DLC1: variants seen among roughly 807,000 people sequenced by gnomAD.
DLC1 encodes the protein DLC1 Rho GTPase activating protein.
Under a neutral mutation model 140.3 loss-of-function variants are expected in DLC1, and 54 were observed. That is an observed-to-expected ratio of 0.38 (90% CI 0.31 to 0.48). The LOEUF (loss-of-function observed/expected upper bound fraction) is 0.48. DLC1 is among the 20% of genes least tolerant of loss of function. The probability of loss-of-function intolerance (pLI) is 0.96; values close to 1 mark genes in which losing one functional copy is unlikely to be tolerated. For synonymous variants in DLC1, 986 were observed against 728.1 expected (o/e 1.35, Z -5.70); for missense variants, 2,536 against 1,907.0 (o/e 1.33, Z -6.14).
At chr8:13,175,983 T>A (rs1288353185) in intron 5 of DLC1, among the ~76,000 whole-genome samples, 1 of 152,230 alleles carries the variant, frequency 6.6e-6, no homozygotes, top group Non-Finnish European at 1.5e-5. Context: ...GTAGCACATC[T>A]TTATTGTAAA....
chr8:13,095,723 G>T (rs1402720982), intron 10 of DLC1: 1 of 157,422 alleles, frequency 6.4e-6, no homozygotes, highest in Admixed American at 6.0e-5. Flanking sequence ...GAAAAACAAG[G>T]TCCCTTTTGT....
At chr8:13,449,253 C>T (rs1798934323) in intron 2 of DLC1, among the ~76,000 whole-genome samples, 1 of 152,102 alleles carries the variant, frequency 6.6e-6, no homozygotes, top group Admixed American at 6.5e-5. Context: ...TGGAGATTGG[C>T]ACACAGCTCA....
At chr8:13,179,823 T>C (rs1205285328) in intron 5 of DLC1, among the ~76,000 whole-genome samples, 3 of 152,092 alleles carry the variant, frequency 2.0e-5, no homozygotes, top group East Asian at 1.9e-4. Context: ...CTATATATTA[T>C]ATAAAAATGG....
At position 13,499,245 on chromosome 8, in the gene DLC1, C is replaced by G; in HGVS notation, c.827G>C (p.Ser276Thr). 6.2e-7 allele frequency: 1 copy of G among 1,614,186 alleles called. No individual in the cohort carries two copies. The highest frequency in any genetic ancestry group is 8.5e-7 in the Non-Finnish European group (1 of 1,180,028). The change falls in exon 2 of 18, where the codon AGC becomes ACC. Residue 276 changes from serine to threonine, a missense_variant. Ser to Thr is a moderately conservative substitution (Grantham distance 58, BLOSUM62 1). Coordinates refer to ENST00000276297, the MANE Select transcript of DLC1 (RefSeq NM_182643.3). ...GLPLLKTDFG[S>T]CLLQPPSCPN... ...GCAGGAAGGAGGCTGCAGAAGGCAGCTTCCAAAATCTGTTTTTAATAATGG... is the reference window on the plus strand; with the variant it reads ...GCAGGAAGGAGGCTGCAGAAGGCAGGTTCCAAAATCTGTTTTTAATAATGG...
At chr8:13,239,507 G>C (rs1247147431) in intron 5 of DLC1, among the ~76,000 whole-genome samples, 2 of 152,158 alleles carry the variant, frequency 1.3e-5, no homozygotes, top group Non-Finnish European at 2.9e-5. Flanking sequence ...GAGTGGTTAG[G>C]GGTGAGCTGG....
intron 5 of DLC1, among the ~76,000 whole-genome samples, chr8:13,139,577 C>A (rs1015978644): frequency 6.6e-6 from 1 of 152,176 alleles, no homozygotes; most frequent in African/African-American, 2.4e-5. Context: ...GTACTGAATT[C>A]TTAGTCCTGA....
chr8:13,476,182 A>G (rs1020595578), intron 2 of DLC1, among the ~76,000 whole-genome samples: 5 of 152,190 alleles, frequency 3.3e-5, no homozygotes, highest in Non-Finnish European at 5.9e-5. Flanking sequence ...CTGCTTCAGA[A>G]CCCTGATTAG....
chr8:13,228,197 T>TG (rs896794758), intron 5 of DLC1, among the ~76,000 whole-genome samples: 1 of 152,090 alleles, frequency 6.6e-6, no homozygotes, highest in African/African-American at 2.4e-5. Context: ...GGGGATTTTT[T>TG]GGGGGGATTT....
At position 13,099,533 on chromosome 8, in the gene DLC1, G is replaced by A. The variant is rs1351163088; in HGVS notation, c.2804C>T (p.Ser935Leu). 1 of 1,614,176 alleles carries A rather than the reference G, an allele frequency of 6.2e-7. No homozygotes were observed. The highest frequency in any genetic ancestry group is 1.3e-5 in the African/African-American group (1 of 75,040). ...GCAGGGAGAGACCGAGTCCAGGGCT[G>A]AGTCCGAATCTCCCTCATCAGAAAA... Reference protein sequence around the residue: ...EKFSDEGDSDSALDSVSPCPS... With the variant: ...EKFSDEGDSDLALDSVSPCPS... Residue 935 changes from serine to leucine, a missense_variant, in exon 9 of 18, where the codon TCA (serine) becomes TTA (leucine). Transcript: ENST00000276297.
At chr8:13,256,343 G>C (rs1317892913) in intron 5 of DLC1, among the ~76,000 whole-genome samples, 1 of 152,100 alleles carries the variant, frequency 6.6e-6, no homozygotes, top group East Asian at 1.9e-4. Context: ...GGTTGAACTA[G>C]TTATTGACCC....
intron 1 of DLC1, among the ~76,000 whole-genome samples, chr8:13,532,412 C>A (rs1803129434): frequency 2.0e-5 from 3 of 152,178 alleles, no homozygotes; most frequent in Admixed American, 2.0e-4. Context: ...ACATGAATGG[C>A]AAAACACAGC....
intron 5 of DLC1, among the ~76,000 whole-genome samples, chr8:13,210,314 G>C (rs1291974244): frequency 6.6e-6 from 1 of 152,032 alleles, no homozygotes; most frequent in Non-Finnish European, 1.5e-5. Flanking sequence ...GTTTTTAGAA[G>C]ACCAGGATAT....
intron 4 of DLC1, among the ~76,000 whole-genome samples, chr8:13,326,985 C>T (rs1203764869): frequency 6.6e-6 from 1 of 152,036 alleles, no homozygotes; most frequent in Non-Finnish European, 1.5e-5. Context: ...GACAGAATCT[C>T]GCTCTGTTGC....
At chr8:13,480,125 T>A (rs1358075458) in intron 2 of DLC1, among the ~76,000 whole-genome samples, 1 of 152,116 alleles carries the variant, frequency 6.6e-6, no homozygotes, top group Non-Finnish European at 1.5e-5. Context: ...ATATAGATCT[T>A]CTAATATAAA....
chr8:13,203,879 C>A (rs1585904355), intron 5 of DLC1, among the ~76,000 whole-genome samples: 1 of 152,152 alleles, frequency 6.6e-6, no homozygotes, highest in African/African-American at 2.4e-5. Flanking sequence ...CTATTCTCTT[C>A]CTTGGAAGTG....
chr8:13,461,842 T>C lies in DLC1; in HGVS notation c.1023+37207A>G, dbSNP rs140353348. ...TCGTTACCCCGTACTATCTTCCTCA[T>C]TGATAATTAAGTTAATACACACAGT... On this transcript the variant is annotated intron_variant, in intron 2 of 17. Coordinates refer to ENST00000276297, the MANE Select transcript of DLC1 (RefSeq NM_182643.3). Among the ~76,000 whole-genome samples the C allele has an allele frequency of 2.8e-3, 424 of 152,276 alleles. 1 individual carries two copies. Among genetic ancestry groups the C allele is most frequent in the Non-Finnish European group, 3.2e-3 (220 of 68,024 alleles).
intron 5 of DLC1, among the ~76,000 whole-genome samples, chr8:13,150,557 C>A (rs1288568949): frequency 6.6e-6 from 1 of 152,200 alleles, no homozygotes; most frequent in Non-Finnish European, 1.5e-5. Flanking sequence ...CAGAAGCCTG[C>A]GATGGCTTTA....
At chr8:13,126,365 C>CCACACACA (rs974648895) in intron 5 of DLC1, among the ~76,000 whole-genome samples, 81 of 106,578 alleles carry the variant, frequency 7.6e-4, no homozygotes, top group African/African-American at 3.7e-3. Flanking sequence ...ATCTCTCTAT[C>CCACACACA]CATACACACA....
intron 5 of DLC1, among the ~76,000 whole-genome samples, chr8:13,175,384 T>G (rs1776179902): frequency 1.3e-5 from 2 of 152,030 alleles, no homozygotes; most frequent in African/African-American, 4.8e-5. Context: ...GTAGTTTTTT[T>G]CTAATTTTGT....
Sources: allele counts gnomAD v4.1 joint callset (sites outside exome capture counted in the v4.1 genomes callset), GRCh38; gene constraint gnomAD v4.1.1; transcripts MANE v1.5; gene names NCBI Gene and HGNC (gene_info 2026-07-23, HGNC 2026-07-21).